The following NRG1 variants were observed in gnomAD, a reference collection of about 807,000 sequenced individuals.
The protein encoded by NRG1 is neuregulin 1, also known as pro-neuregulin-1, membrane-bound isoform.
A neutral mutation model predicts 63.8 loss-of-function variants in NRG1; 18 were observed. The observed-to-expected ratio is 0.28, with a 90% CI of 0.19 to 0.42. NRG1 has a LOEUF of 0.42. Among genes scored for constraint, NRG1 ranks in the 10% least tolerant of loss-of-function variants. The pLI is 1.00. For synonymous variants in NRG1, 302 were observed against 301.3 expected (o/e 1.00, Z -0.02); for missense variants, 762 against 814.7 (o/e 0.94, Z 0.79).
At chr8:31,791,790 C>G (rs1407311142) in intron 1 of NRG1, among the ~76,000 whole-genome samples, 1 of 152,106 alleles carries the variant, frequency 6.6e-6, no homozygotes. Flanking sequence ...TCTAGTCTTG[C>G]CCTTCGCTAC....
upstream of NRG1, among the ~76,000 whole-genome samples, chr8:32,544,035 CT>C (rs1832819255): frequency 6.6e-6 from 1 of 152,152 alleles, no homozygotes; most frequent in Non-Finnish European, 1.5e-5. Flanking sequence ...CTTTGCTTAT[CT>C]CAGTTTTGTG....
intron 1 of NRG1, among the ~76,000 whole-genome samples, chr8:31,867,990 GA>G (rs1297921313): frequency 6.6e-6 from 1 of 152,068 alleles, no homozygotes; most frequent in African/African-American, 2.4e-5. Flanking sequence ...GATATTGCCT[GA>G]AATGACTATT....
rs374614501 is a variant in NRG1 at position 32,523,794 on chromosome 8, G to A, written c.38-72034G>A. The stretch of plus-strand genomic sequence containing the variant: ...GAACCTAGGAGGCAGAAGTGAGCGA[G>A]ATCATGCCACTGCACTCCAGCCTGG... On this transcript the variant is annotated intron_variant, in intron 1 of 10. Coordinates refer to the NRG1 transcript ENST00000519301. Among the ~76,000 whole-genome samples, 4 of 152,096 alleles carry A rather than the reference G, an allele frequency of 2.6e-5. No homozygotes were observed. The East Asian group carries it at 5.8e-4, about 22-fold the overall frequency.
At chr8:32,704,363 A>G (rs906573328) in intron 5 of NRG1, among the ~76,000 whole-genome samples, 2 of 152,192 alleles carry the variant, frequency 1.3e-5, no homozygotes, top group East Asian at 3.8e-4. Flanking sequence ...TTTCATTTGA[A>G]GAGCAGTGAT....
At chr8:31,746,698 T>G (rs1815907900) in intron 1 of NRG1, among the ~76,000 whole-genome samples, 1 of 151,978 alleles carries the variant, frequency 6.6e-6, no homozygotes, top group South Asian at 2.1e-4. Flanking sequence ...CAAAGAGGTA[T>G]CTACGCTCTC....
intron 1 of NRG1, among the ~76,000 whole-genome samples, chr8:32,199,926 C>T (rs770817332): frequency 7.9e-5 from 12 of 152,156 alleles, no homozygotes; most frequent in South Asian, 2.1e-4. Context: ...ATTACAGGTG[C>T]GCACCATCAT....
At chr8:32,434,366 A>C (rs945833994) in intron 1 of NRG1, among the ~76,000 whole-genome samples, 11 of 152,148 alleles carry the variant, frequency 7.2e-5, no homozygotes, top group Admixed American at 3.3e-4. Flanking sequence ...TTTAATACTA[A>C]CAATGCCTGT....
intron 1 of NRG1, among the ~76,000 whole-genome samples, chr8:31,662,375 T>C (rs73237526): frequency 6.6e-6 from 1 of 152,330 alleles, no homozygotes; most frequent in Non-Finnish European, 1.5e-5. Flanking sequence ...GCACTTTTCC[T>C]GATGAATGAA....
At chr8:32,365,829 T>C (rs1247177533) in intron 1 of NRG1, among the ~76,000 whole-genome samples, 1 of 152,212 alleles carries the variant, frequency 6.6e-6, no homozygotes, top group Non-Finnish European at 1.5e-5. Context: ...ATTACTTAAT[T>C]ATTCTAACAA....
chr8:32,443,689 A>G (rs923288261), intron 1 of NRG1, among the ~76,000 whole-genome samples: 10 of 152,302 alleles, frequency 6.6e-5, no homozygotes, highest in African/African-American at 2.4e-4. Context: ...TTTTTCTCCT[A>G]CAATAGGAAC....
At chr8:32,655,572 A>G (rs1007989144) in intron 5 of NRG1, among the ~76,000 whole-genome samples, 1 of 152,300 alleles carries the variant, frequency 6.6e-6, no homozygotes, top group South Asian at 2.1e-4. Flanking sequence ...AATAAATTGT[A>G]GGGGTTCTTT....
rs1326770593 is a variant in NRG1 at position 32,485,292 on chromosome 8, G to T, written c.38-110536G>T. On this transcript the variant is annotated intron_variant, in intron 1 of 10. Coordinates refer to the NRG1 transcript ENST00000519301. Reference sequence around the variant, plus strand: ...CAGCTAATTTTGTCTTTTCAGTAGAGATGGGGTTTCTCCATGTTGGTCAGG... The same window carrying T: ...CAGCTAATTTTGTCTTTTCAGTAGATATGGGGTTTCTCCATGTTGGTCAGG... Among the ~76,000 whole-genome samples, 11 of 152,200 alleles carry T rather than the reference G, an allele frequency of 7.2e-5. No individual in the cohort carries two copies. The East Asian group carries it at 1.9e-3, about 27-fold the overall frequency.
At chr8:31,987,325 T>TGTGG (rs1810256723) in intron 1 of NRG1, among the ~76,000 whole-genome samples, 1 of 143,614 alleles carries the variant, frequency 7.0e-6, no homozygotes, top group African/African-American at 2.7e-5. Flanking sequence ...TATATATGTG[T>TGTGG]GTGTGTGTGT....
At chr8:32,704,904 A>G (rs1815943477) in intron 5 of NRG1, among the ~76,000 whole-genome samples, 1 of 152,210 alleles carries the variant, frequency 6.6e-6, no homozygotes, top group Non-Finnish European at 1.5e-5. Flanking sequence ...GGGGACAAAC[A>G]TGCCATTAGT....
At position 32,616,405 on chromosome 8, in the gene NRG1, T is replaced by C. The variant is rs1013329495; in HGVS notation, c.452-430T>C. Among the ~76,000 whole-genome samples the C allele has an allele frequency of 1.1e-4, 17 of 152,176 alleles. 2 individuals are homozygous for C. Among genetic ancestry groups the C allele is most frequent in the Admixed American group, 9.8e-4 (15 of 15,252 alleles). On this transcript the variant is annotated intron_variant, in intron 4 of 11. Transcript: ENST00000356819. ...GCCTGGAAATACTCTCAATCTTGTT[T>C]GTTTATTTATTTGGCATGCATGAAA...
intron 3 of NRG1, among the ~76,000 whole-genome samples, chr8:32,609,622 T>C (rs1255108512): frequency 2.6e-5 from 3 of 113,642 alleles, no homozygotes; most frequent in Admixed American, 9.1e-5. Context: ...TTCCTTCCTT[T>C]CCCTCCCTCC....
intron 1 of NRG1, among the ~76,000 whole-genome samples, chr8:32,369,075 C>T (rs1034646691): frequency 6.6e-5 from 10 of 152,182 alleles, no homozygotes; most frequent in Non-Finnish European, 5.9e-5. Context: ...TTTTGGAAAC[C>T]GTCAGGGTTG....
intron 1 of NRG1, among the ~76,000 whole-genome samples, chr8:32,188,965 ATAAAAT>A (rs1185278210): frequency 6.6e-6 from 1 of 152,132 alleles, no homozygotes; most frequent in Non-Finnish European, 1.5e-5. Context: ...TATAATAATA[ATAAAAT>A]TAAAAAAAAG....
chr8:32,271,416 G>A (rs986181768), intron 1 of NRG1, among the ~76,000 whole-genome samples: 2 of 152,208 alleles, frequency 1.3e-5, no homozygotes, highest in Non-Finnish European at 2.9e-5. Context: ...TAGAAGAGGA[G>A]AAGAGACTGA....
Sources: gnomAD v4.1 joint callset for allele counts (sites outside exome capture counted in the v4.1 genomes callset) on GRCh38, gnomAD v4.1.1 for gene constraint, MANE v1.5 for transcripts, NCBI Gene and HGNC (gene_info 2026-07-23, HGNC 2026-07-21) for gene names.